The following ADAMTS2 variants were observed in gnomAD, a reference collection of about 807,000 sequenced individuals.
ADAMTS2 encodes the protein ADAM metallopeptidase with thrombospondin type 1 motif 2.
Under a neutral mutation model 123.0 loss-of-function variants are expected in ADAMTS2, and 50 were observed. The observed-to-expected ratio is 0.41, with a 90% confidence interval of 0.32 to 0.51. The LOEUF is 0.51. Among genes scored for constraint, ADAMTS2 ranks in the 20% least tolerant of loss-of-function variants. The pLI is 0.35. For synonymous variants in ADAMTS2, 678 were observed against 695.4 expected, an observed-to-expected ratio of 0.98 and a Z score of 0.39; for missense variants, 1,494 against 1,705.2, an observed-to-expected ratio of 0.88 and a Z score of 2.18.
In ADAMTS2 at chr5:179,312,023, C is replaced by A. The variant is rs913962345; in HGVS notation, c.534+31744G>T. 6.6e-6 allele frequency among the ~76,000 whole-genome samples: 1 copy of A among 152,230 alleles called. No individual in the cohort carries two copies. The highest frequency in any genetic ancestry group is 2.1e-4 in the South Asian group (1 of 4,830). ...CATGGGAACCCTGTGCCGCTAAGGG[C>A]ATACTCTAGACCCTCTGCCCCAGGC... On this transcript the variant is annotated intron_variant, in intron 2 of 21. Coordinates refer to ENST00000251582, the MANE Select transcript of ADAMTS2 (RefSeq NM_014244.5). The surrounding 1 kb of genome is among the most constrained non-coding windows in gnomAD (Gnocchi z 4.2).
chr5:179,297,859 G>A (rs1007099528), intron 2 of ADAMTS2, among the ~76,000 whole-genome samples: 6 of 152,040 alleles, frequency 3.9e-5, no homozygotes, highest in Non-Finnish European at 7.4e-5. Context: ...CAACAGAACC[G>A]GGTCTCTTCA....
At chr5:179,293,157 C>A (rs1455523691) in intron 2 of ADAMTS2, among the ~76,000 whole-genome samples, 1 of 152,244 alleles carries the variant, frequency 6.6e-6, no homozygotes, top group African/African-American at 2.4e-5. Context: ...GACAGTCTGA[C>A]CCCACTTTCC....
chr5:179,137,208 C>T (rs897344128), intron 12 of ADAMTS2, among the ~76,000 whole-genome samples: 23 of 152,322 alleles, frequency 1.5e-4, no homozygotes, highest in Admixed American at 1.4e-3. Context: ...GGGCAACAGC[C>T]ATGGAGGAGA....
At chr5:179,257,427 C>A (rs549772620) in intron 3 of ADAMTS2, among the ~76,000 whole-genome samples, 23 of 152,336 alleles carry the variant, frequency 1.5e-4, no homozygotes, top group African/African-American at 5.0e-4. Flanking sequence ...GAACTGGGCA[C>A]CAGATGCACC....
chr5:179,218,441 C>A (rs968151611), intron 3 of ADAMTS2, among the ~76,000 whole-genome samples: 1 of 152,236 alleles, frequency 6.6e-6, no homozygotes, highest in African/African-American at 2.4e-5. Context: ...TCTTTGGAGG[C>A]TCTGGGAAGC....
At position 179,307,579 on chromosome 5, in the gene ADAMTS2, C is replaced by T. The variant is rs888524608; in HGVS notation, c.535-34515G>A. On this transcript the variant is annotated intron_variant, in intron 2 of 21. Coordinates refer to ENST00000251582, the MANE Select transcript of ADAMTS2 (RefSeq NM_014244.5). The surrounding 1 kb of genome is among the most constrained non-coding windows in gnomAD (Gnocchi z 5.6). ...GCTGCCCCACAGAATCTCTGAAACA[C>T]GACTCAGACCTGTCACTGCCTGCCC... 9.9e-5 allele frequency among the ~76,000 whole-genome samples: 15 copies of T among 152,170 alleles called. No individual in the cohort carries two copies. Among genetic ancestry groups the T allele is most frequent in the East Asian group, 1.9e-4 (1 of 5,190 alleles).
At position 179,307,485 on chromosome 5, in the gene ADAMTS2, C is replaced by T. The variant is rs1487885954; in HGVS notation, c.535-34421G>A. On this transcript the variant is annotated intron_variant, in intron 2 of 21. Transcript: ENST00000251582. This position sits in a 1 kb window ranked among gnomAD's most constrained non-coding sequence, Gnocchi z 5.6. ...CATGCTGCACCATCCACTAATAGCA[C>T]CATCACGTATGCCAGGCTGGGAGCC... 6.6e-6 allele frequency among the ~76,000 whole-genome samples: 1 copy of T among 152,190 alleles called. No homozygotes were observed. Among genetic ancestry groups the T allele is most frequent in the African/African-American group, 2.4e-5 (1 of 41,440 alleles).
intron 3 of ADAMTS2, among the ~76,000 whole-genome samples, chr5:179,241,530 T>C (rs1451661307): frequency 2.6e-5 from 4 of 152,202 alleles, no homozygotes; most frequent in Non-Finnish European, 5.9e-5. Flanking sequence ...CAAAATCAAT[T>C]TGACGTTCAA....
chr5:179,318,598 A>G (rs73808261), intron 2 of ADAMTS2, among the ~76,000 whole-genome samples: 2,438 of 152,094 alleles, frequency 0.016, 55 homozygotes, highest in African/African-American at 0.056. Flanking sequence ...GAATCTTGAC[A>G]GTTAGAAGAC....
chr5:179,327,480 C>T (rs1392975124), intron 2 of ADAMTS2, among the ~76,000 whole-genome samples: 1 of 152,200 alleles, frequency 6.6e-6, no homozygotes, highest in East Asian at 1.9e-4. Context: ...TGCACTGCTC[C>T]CCAACCACAG....
chr5:179,121,652 G>A lies in ADAMTS2; in HGVS notation c.3178+9C>T. The stretch of plus-strand genomic sequence containing the variant: ...AGGGCAGAGGCAGAGTTATAAACGG[G>A]TCGGTTACTTGACGAGATCTTCCGG... On this transcript the variant is annotated intron_variant, in intron 21 of 21. Coordinates refer to ENST00000251582, the MANE Select transcript of ADAMTS2 (RefSeq NM_014244.5). 6.3e-7 allele frequency: 1 copy of A among 1,599,244 alleles called. No homozygotes were observed. The highest frequency in any genetic ancestry group is 8.5e-7 in the Non-Finnish European group (1 of 1,172,156).
At chr5:179,317,000 GAA>G (rs1311612201) in intron 2 of ADAMTS2, among the ~76,000 whole-genome samples, 1 of 152,132 alleles carries the variant, frequency 6.6e-6, no homozygotes, top group African/African-American at 2.4e-5. Flanking sequence ...AGGATGGAAA[GAA>G]GAGAGGAAAG....
At chr5:179,114,516 C>T (rs903833835) in intron 21 of ADAMTS2, among the ~76,000 whole-genome samples, 192 bp from the exon 22 acceptor site, 2 of 152,160 alleles carry the variant, frequency 1.3e-5, no homozygotes, top group African/African-American at 4.8e-5. Context: ...CCAGGGACCC[C>T]TGCCTGGAAG....
chr5:179,273,272 G>A (rs1766598177), intron 2 of ADAMTS2, among the ~76,000 whole-genome samples: 1 of 152,098 alleles, frequency 6.6e-6, no homozygotes, highest in East Asian at 1.9e-4. Flanking sequence ...GTCTAGGAAA[G>A]GGGCCTCTGT....
intron 3 of ADAMTS2, among the ~76,000 whole-genome samples, chr5:179,239,473 A>T (rs1765610895): frequency 6.6e-6 from 1 of 152,112 alleles, no homozygotes; most frequent in East Asian, 1.9e-4. Context: ...TGGTACTTCC[A>T]AATTGAGGTT....
At chr5:179,300,760 C>A (rs1380037676) in intron 2 of ADAMTS2, among the ~76,000 whole-genome samples, 2 of 152,212 alleles carry the variant, frequency 1.3e-5, no homozygotes, top group Non-Finnish European at 2.9e-5. Flanking sequence ...TAAGGCCAAG[C>A]TCCGAATAAA....
At chr5:179,223,636 GCA>G (rs1372026817) in intron 3 of ADAMTS2, among the ~76,000 whole-genome samples, 32 of 84,166 alleles carry the variant, frequency 3.8e-4, no homozygotes, top group Admixed American at 1.2e-3. Context: ...TCACATGAAT[GCA>G]CACACACATA....
chr5:179,209,561 A>ACACATGCACACACACACGC (rs1764803751), intron 3 of ADAMTS2, among the ~76,000 whole-genome samples: 2 of 148,072 alleles, frequency 1.4e-5, no homozygotes, highest in African/African-American at 5.0e-5. Context: ...CACACACACA[A>ACACATGCACACACACACGC]GCACACACAT....
chr5:179,310,527 G>A (rs903430509), intron 2 of ADAMTS2, among the ~76,000 whole-genome samples: 3 of 152,158 alleles, frequency 2.0e-5, no homozygotes, highest in Admixed American at 6.5e-5. Context: ...TCTGATTGGC[G>A]TCTCTGGGCC....
Sources: gnomAD v4.1 joint callset for allele counts (sites outside exome capture counted in the v4.1 genomes callset) on GRCh38, gnomAD v4.1.1 for gene constraint, Gnocchi (gnomAD v3.1) non-coding constraint, MANE v1.5 for transcripts, NCBI Gene and HGNC (gene_info 2026-07-23, HGNC 2026-07-21) for gene names.